The following RBFOX3 variants were observed in gnomAD, a reference collection of about 807,000 sequenced individuals.
RBFOX3 encodes RNA binding fox-1 homolog 3, also known as RNA binding protein fox-1 homolog 3.
Under a neutral mutation model 48.7 loss-of-function variants are expected in RBFOX3, and 17 were observed. The observed-to-expected ratio is 0.35, with a 90% CI of 0.24 to 0.52. The LOEUF (loss-of-function observed/expected upper bound fraction) is 0.52, where lower values mean the gene tolerates loss of function less well. Ranked by LOEUF, RBFOX3 falls within the 20% of genes least tolerant of loss-of-function variation. RBFOX3 has a pLI of 0.94. For synonymous variants in RBFOX3, 212 were observed against 209.5 expected (o/e 1.01, Z -0.10); for missense variants, 382 against 497.5 (o/e 0.77, Z 2.21).
At chr17:79,578,129 G>C (rs908770888) in intron 1 of RBFOX3, among the ~76,000 whole-genome samples, 3 of 150,556 alleles carry the variant, frequency 2.0e-5, no homozygotes, top group Admixed American at 6.6e-5. Flanking sequence ...TGGAGGGAAG[G>C]GGGGTGGCCC....
intron 3 of RBFOX3, among the ~76,000 whole-genome samples, chr17:79,237,473 G>A (rs1364964311): frequency 6.6e-6 from 1 of 152,202 alleles, no homozygotes; most frequent in Non-Finnish European, 1.5e-5. Context: ...TGAGTCAGCT[G>A]GCCCGTCCCC....
At chr17:79,649,622 C>T in the RBFOX3 span, among the ~76,000 whole-genome samples, 3 of 152,222 alleles carry the variant, frequency 2.0e-5, no homozygotes, top group Non-Finnish European at 4.4e-5. Flanking sequence ...AGGAGAATCA[C>T]TTGAACCTGG....
chr17:79,582,006 G>A (rs2093076728), intron 1 of RBFOX3, among the ~76,000 whole-genome samples: 2 of 151,020 alleles, frequency 1.3e-5, no homozygotes, highest in East Asian at 3.9e-4. Context: ...GCCTGCCCGT[G>A]TATGTGCCTG....
intron 1 of RBFOX3, among the ~76,000 whole-genome samples, chr17:79,517,711 A>G (rs1014055000): frequency 6.6e-6 from 1 of 152,148 alleles, no homozygotes; most frequent in Non-Finnish European, 1.5e-5. Context: ...AAGGCCAGGG[A>G]AAAACCCCAC....
At chr17:79,292,288 T>C (rs2073415606) in intron 3 of RBFOX3, among the ~76,000 whole-genome samples, 1 of 151,940 alleles carries the variant, frequency 6.6e-6, no homozygotes, top group Non-Finnish European at 1.5e-5. Context: ...CTCGTGTGCA[T>C]CTTCACAGAC....
Position 79,180,950 on chromosome 17 carries a change from C to T in RBFOX3, c.-34+54816G>A, listed in dbSNP as rs74728247. Among the ~76,000 whole-genome samples, 26 of 152,306 alleles carry T rather than the reference C, an allele frequency of 1.7e-4. No homozygotes were observed. In the East Asian group the frequency reaches 3.1e-3, roughly 18 times the overall value. On this transcript the variant is annotated intron_variant, in intron 4 of 14. Transcript: ENST00000693108. ...TGCCCCTACAGAAAGCTCCAAATGCCACAAGTCAGGGATGCATTCACCTAG... is the reference window on the plus strand; with the variant it reads ...TGCCCCTACAGAAAGCTCCAAATGCTACAAGTCAGGGATGCATTCACCTAG...
chr17:79,389,576 G>A (rs543607313), intron 2 of RBFOX3, among the ~76,000 whole-genome samples: 16 of 152,262 alleles, frequency 1.1e-4, no homozygotes, highest in South Asian at 2.1e-4. Flanking sequence ...ACCCTGCCTC[G>A]GCCTCAGTGG....
chr17:79,606,946 G>A (rs1393668445), intron 1 of RBFOX3, among the ~76,000 whole-genome samples: 4 of 152,218 alleles, frequency 2.6e-5, no homozygotes, highest in East Asian at 1.9e-4. Context: ...GACCCAGGAC[G>A]TTATAGAGGA....
At chr17:79,339,350 C>T (rs1044175216) in intron 2 of RBFOX3, among the ~76,000 whole-genome samples, 1 of 152,200 alleles carries the variant, frequency 6.6e-6, no homozygotes, top group African/African-American at 2.4e-5. Context: ...GCCACTGTGT[C>T]CAGCATTGAT....
chr17:79,197,710 C>G (rs2612803), intron 4 of RBFOX3, among the ~76,000 whole-genome samples: 1 of 152,120 alleles, frequency 6.6e-6, no homozygotes, highest in Non-Finnish European at 1.5e-5. Flanking sequence ...ACAGATATTT[C>G]TTTCTACAGA....
At chr17:79,425,683 G>A (rs1182810725) in intron 2 of RBFOX3, among the ~76,000 whole-genome samples, 2 of 152,182 alleles carry the variant, frequency 1.3e-5, no homozygotes, top group African/African-American at 4.8e-5. Flanking sequence ...GCAAGGAAGG[G>A]GGAGAAGACA....
At chr17:79,348,333 CTAAG>C (rs1188299757) in intron 2 of RBFOX3, among the ~76,000 whole-genome samples, 2 of 152,156 alleles carry the variant, frequency 1.3e-5, no homozygotes, top group Admixed American at 6.6e-5. Context: ...TGGAGCTGGG[CTAAG>C]TAAGAACAGA....
chr17:79,256,819 G>T (rs1279252991), intron 3 of RBFOX3, among the ~76,000 whole-genome samples: 3 of 152,098 alleles, frequency 2.0e-5, no homozygotes, highest in African/African-American at 7.2e-5. Flanking sequence ...ACTCGTGGGG[G>T]GCTGAGGCAG....
chr17:79,132,504 C>A (rs2039186138), intron 4 of RBFOX3, among the ~76,000 whole-genome samples: 1 of 152,160 alleles, frequency 6.6e-6, no homozygotes, highest in African/African-American at 2.4e-5. Flanking sequence ...CGGCTCCCCT[C>A]GGAGCCAACA....
At chr17:79,628,473 A>G in the RBFOX3 span, among the ~76,000 whole-genome samples, 2 of 152,224 alleles carry the variant, frequency 1.3e-5, no homozygotes, top group African/African-American at 4.8e-5. Flanking sequence ...CTTGTCTGCC[A>G]TGACGTGCCC....
At chr17:79,626,462 G>A in the RBFOX3 span, among the ~76,000 whole-genome samples, 5 of 152,212 alleles carry the variant, frequency 3.3e-5, no homozygotes, top group East Asian at 5.8e-4. Context: ...TGGGCTTCCC[G>A]GTGTCTCCGG....
chr17:79,581,569 G>A (rs1267398898), intron 1 of RBFOX3, among the ~76,000 whole-genome samples: 4 of 152,368 alleles, frequency 2.6e-5, no homozygotes, highest in Middle Eastern at 3.4e-3. Context: ...AGAGGGCCAC[G>A]GCTGTGTAGA....
intron 14 of RBFOX3, chr17:79,092,052 C>T: frequency 1.0e-6 from 1 of 985,506 alleles, no homozygotes; most frequent in Non-Finnish European, 1.2e-6. Flanking sequence ...CGGGAGCACC[C>T]TCAGGCCGGG....
intron 1 of RBFOX3, among the ~76,000 whole-genome samples, chr17:79,541,896 G>A (rs1555790432): frequency 6.6e-6 from 1 of 152,130 alleles, no homozygotes; most frequent in East Asian, 1.9e-4. Context: ...GACACCTCCT[G>A]CCGATGTCAC....
Sources: allele counts gnomAD v4.1 joint callset (sites outside exome capture counted in the v4.1 genomes callset), GRCh38; gene constraint gnomAD v4.1.1; transcripts MANE v1.5; gene names NCBI Gene and HGNC (gene_info 2026-07-23, HGNC 2026-07-21).